The following COL22A1 variants were observed in gnomAD, a reference collection of about 807,000 sequenced individuals.
COL22A1 encodes the protein collagen type XXII alpha 1 chain.
Under a neutral mutation model 248.9 loss-of-function variants are expected in COL22A1, and 221 were observed. The ratio of observed to expected loss-of-function variants is 0.89; its 90% CI spans 0.80 to 0.99. The LOEUF is 0.99. Ranked by LOEUF, COL22A1 falls within the 50% of genes least tolerant of loss-of-function variation. The pLI is 0.00. For synonymous variants in COL22A1, 891 were observed against 793.4 expected (o/e 1.12, Z -2.07); for missense variants, 2,240 against 2,179.0 (o/e 1.03, Z -0.56).
At chr8:138,688,845 G>T (rs1826580077) in intron 37 of COL22A1, 72 bp downstream of exon 37, 25 of 1,303,344 alleles carry the variant, frequency 1.9e-5, no homozygotes, top group Non-Finnish European at 2.8e-5. Flanking sequence ...CGAGCAGAGT[G>T]AGCTGCTCCT....
chr8:138,727,550 T>C (rs569571013), intron 23 of COL22A1, among the ~76,000 whole-genome samples: 1 of 152,316 alleles, frequency 6.6e-6, no homozygotes, highest in South Asian at 2.1e-4. Context: ...CAACACTGCA[T>C]GGCCACTAGA....
Position 138,716,879 on chromosome 8 carries a change from C to A in COL22A1, c.2356-10G>T, listed in dbSNP as rs765323478. 5 of 1,602,818 alleles carry A rather than the reference C, an allele frequency of 3.1e-6. No individual in the cohort carries two copies. The African/African-American group carries it at 6.7e-5, about 21-fold the overall frequency. On this transcript the variant is annotated splice_polypyrimidine_tract_variant and intron_variant, in intron 27 of 64. Transcript: ENST00000303045. Reference sequence around the variant, plus strand: ...GCTCCCCAATTTCTCCCTGAAAATGCAATAAAACATACCCCATTATTCTCC... The same window carrying A: ...GCTCCCCAATTTCTCCCTGAAAATGAAATAAAACATACCCCATTATTCTCC...
chr8:138,724,769 G>A, intron 24 of COL22A1, 101 bp from the exon 25 acceptor site: 1 of 1,147,858 alleles, frequency 8.7e-7, no homozygotes. Context: ...CTGGGTCTGA[G>A]GAGGGCACCC....
chr8:138,708,576 C>T (rs940540653), intron 30 of COL22A1, among the ~76,000 whole-genome samples: 5 of 152,154 alleles, frequency 3.3e-5, no homozygotes, highest in African/African-American at 4.8e-5. Flanking sequence ...GGAAAACTGG[C>T]TAGCCATATG....
At chr8:138,842,800 C>T (rs914991641) in intron 4 of COL22A1, among the ~76,000 whole-genome samples, 1 of 151,998 alleles carries the variant, frequency 6.6e-6, no homozygotes, top group African/African-American at 2.4e-5. Flanking sequence ...ACAAATAAAC[C>T]CTGACAGTGA....
rs775776355 is a variant in COL22A1 at position 138,684,468 on chromosome 8, C to T, written c.2969G>A (p.Gly990Glu). ...PPGKGKDGEP[G>E]LRGSPGLPGP... ...AGGGAGTCCAGGTGATCCACGGAGT[C>T]CCTGGAGAAATAAATAATACAAGGA... The change falls in exon 39 of 65, where the codon GGA (glycine) becomes GAA (glutamate). Residue 990 changes from glycine to glutamate, a missense_variant and splice_region_variant. Physicochemically the swap from Gly to Glu is moderately conservative, Grantham distance 98. Coordinates refer to ENST00000303045, the MANE Select transcript of COL22A1 (RefSeq NM_152888.3). The T allele has an allele frequency of 1.8e-5, 29 of 1,608,648 alleles. No homozygotes were observed. In the South Asian group the frequency reaches 2.9e-4, roughly 16 times the overall value.
At chr8:138,907,756 C>A (rs559512316) in intron 1 of COL22A1, among the ~76,000 whole-genome samples, 6 of 152,288 alleles carry the variant, frequency 3.9e-5, no homozygotes, top group Admixed American at 3.9e-4. Flanking sequence ...CGAGGGTAAC[C>A]CCACAGCAGA....
chr8:138,723,838 C>T (rs572848948), intron 25 of COL22A1, among the ~76,000 whole-genome samples: 3 of 152,306 alleles, frequency 2.0e-5, no homozygotes, highest in Admixed American at 1.3e-4. Flanking sequence ...CCCCTGGGCG[C>T]CTTGATCCAC....
At chr8:138,716,780 G>GAATGAATGAATAA in intron 28 of COL22A1, 45 bp downstream of exon 28, 2 of 1,407,256 alleles carry the variant, frequency 1.4e-6, no homozygotes, top group Non-Finnish European at 1.0e-6. Context: ...GTATAACAAT[G>GAATGAATGAATAA]AATGAATGAA....
chr8:138,613,689 C>G (rs1819086439), intron 56 of COL22A1, among the ~76,000 whole-genome samples, 178 bp downstream of exon 56: 1 of 143,744 alleles, frequency 7.0e-6, no homozygotes, highest in South Asian at 2.2e-4. Flanking sequence ...AGAAAAGAAT[C>G]TGAGTGTTGG....
intron 63 of COL22A1, among the ~76,000 whole-genome samples, chr8:138,592,192 C>T (rs935668392): frequency 2.0e-5 from 3 of 152,316 alleles, no homozygotes; most frequent in East Asian, 3.9e-4. Flanking sequence ...ACACTACAGA[C>T]ATGCAGAGGA....
intron 4 of COL22A1, among the ~76,000 whole-genome samples, chr8:138,841,629 T>G (rs910083833): frequency 6.6e-6 from 1 of 152,036 alleles, no homozygotes; most frequent in Non-Finnish European, 1.5e-5. Flanking sequence ...GTAGGAAGCA[T>G]GGACTAGATT....
At chr8:138,822,315 G>A (rs1819209422) in intron 6 of COL22A1, among the ~76,000 whole-genome samples, 1 of 152,154 alleles carries the variant, frequency 6.6e-6, no homozygotes, top group African/African-American at 2.4e-5. Context: ...CTCTCAAAGT[G>A]CTGGGATTAC....
chr8:138,625,253 G>A (rs186957190), intron 51 of COL22A1, among the ~76,000 whole-genome samples: 82 of 152,268 alleles, frequency 5.4e-4, no homozygotes, highest in Non-Finnish European at 1.6e-4. Context: ...AACGAAAGAA[G>A]GGAAGAGGCA....
intron 23 of COL22A1, among the ~76,000 whole-genome samples, chr8:138,733,466 T>C (rs978231459): frequency 1.3e-5 from 2 of 152,212 alleles, no homozygotes; most frequent in East Asian, 1.9e-4. Context: ...TTGGTTTCTC[T>C]AGATTTTAAA....
chr8:138,872,629 C>T (rs115780338), intron 3 of COL22A1, among the ~76,000 whole-genome samples: 1,944 of 152,320 alleles, frequency 0.013, 46 homozygotes, highest in African/African-American at 0.043. Flanking sequence ...CCGGGGCTGG[C>T]CTTGTCCTCG....
intron 6 of COL22A1, among the ~76,000 whole-genome samples, chr8:138,824,912 C>T (rs1265346451): frequency 3.3e-5 from 5 of 152,326 alleles, no homozygotes; most frequent in East Asian, 1.9e-4. Context: ...AGACAGACTT[C>T]ATCTCTCCAT....
At chr8:138,694,053 G>A (rs138341272) in intron 34 of COL22A1, among the ~76,000 whole-genome samples, 6 of 152,164 alleles carry the variant, frequency 3.9e-5, no homozygotes, top group African/African-American at 1.4e-4. Flanking sequence ...AAGATCCAGT[G>A]CAGAGGCAAA....
intron 21 of COL22A1, among the ~76,000 whole-genome samples, chr8:138,754,671 T>C (rs1358773973): frequency 6.6e-6 from 1 of 152,180 alleles, no homozygotes; most frequent in Non-Finnish European, 1.5e-5. Flanking sequence ...GCTTCCCAAC[T>C]GGTGATTTAC....
Sources: allele counts gnomAD v4.1 joint callset (sites outside exome capture counted in the v4.1 genomes callset), GRCh38; gene constraint gnomAD v4.1.1; transcripts MANE v1.5; gene names NCBI Gene and HGNC (gene_info 2026-07-23, HGNC 2026-07-21).